The following PKD1 variants were observed in gnomAD, a reference collection of about 807,000 sequenced individuals.
The protein encoded by PKD1 is polycystin-1.
A neutral mutation model predicts 361.7 loss-of-function variants in PKD1; 81 were observed. The observed-to-expected ratio is 0.22, with a 90% CI of 0.19 to 0.27. PKD1 has a LOEUF of 0.27. PKD1 is among the 10% of genes least tolerant of loss of function. The probability of loss-of-function intolerance (pLI) is 1.00; values close to 1 mark genes in which losing one functional copy is unlikely to be tolerated. For missense variants in PKD1, 6,399 were observed against 6,118.3 expected (o/e 1.05, Z -1.53); for synonymous variants, 3,615 against 2,818.3 (o/e 1.28, Z -8.95).
chr16:2,135,396 T>A (rs2092938888), intron 1 of PKD1, 79 bp downstream of exon 1: 1 of 1,088,200 alleles, frequency 9.2e-7, no homozygotes, highest in Non-Finnish European at 1.1e-6. Flanking sequence ...GCGTCCTGCT[T>A]CCCGTCCCGG....
In PKD1 at chr16:2,114,158, G is replaced by T; in HGVS notation, c.2853+12C>A. The T allele has an allele frequency of 1.2e-6, 2 of 1,601,366 alleles. No individual in the cohort carries two copies. The highest frequency in any genetic ancestry group is 1.1e-5 in the South Asian group (1 of 90,830). ...GCCTGGGGGCTGGTGGTGGAGCCTC[G>T]GCCATACTCACCACTAGGACTCCCT... On this transcript the variant is annotated intron_variant, in intron 11 of 45. Transcript: ENST00000262304.
At chr16:2,128,603 C>T (rs1012860349) in intron 1 of PKD1, among the ~76,000 whole-genome samples, 2 of 152,230 alleles carry the variant, frequency 1.3e-5, no homozygotes, top group African/African-American at 4.8e-5. Flanking sequence ...CCAGGAGTGG[C>T]TGCAACCCTG....
In PKD1 at chr16:2,104,428, G is replaced by T. The variant is rs566524677; in HGVS notation, c.8161+70C>A. On this transcript the variant is annotated intron_variant, in intron 22 of 45. Transcript: ENST00000262304. ...GGATGGGGCAAAGGCGACGCGGTTG[G>T]GGGGAGGAGGGAGGCAGAGGAAAGG... The T allele has an allele frequency of 0.014, 16,539 of 1,204,962 alleles. 166 individuals carry two copies. The highest frequency in any genetic ancestry group is 0.015 in the Non-Finnish European group (12,736 of 867,114). 74.6% of individuals were successfully genotyped at this position (1,204,962 alleles called of 1,614,324 possible).
chr16:2,134,729 C>T (rs927422873), intron 1 of PKD1, among the ~76,000 whole-genome samples: 4 of 147,948 alleles, frequency 2.7e-5, no homozygotes, highest in African/African-American at 1.0e-4. Flanking sequence ...CGCATGACGA[C>T]CCCCAACAGG....
Position 2,091,773 on chromosome 16 carries a change from G to A in PKD1, c.11537+8C>T. 4.4e-6 allele frequency: 7 copies of A among 1,608,776 alleles called. No individual in the cohort carries two copies. Among genetic ancestry groups the A allele is most frequent in the South Asian group, 1.1e-5 (1 of 90,510 alleles). ...CACCCCGGAGAGGGCAGGGGAGGGAGCTCCCACCTGTTGTCCAGCCAGTTG... is the reference window on the plus strand; with the variant it reads ...CACCCCGGAGAGGGCAGGGGAGGGAACTCCCACCTGTTGTCCAGCCAGTTG... On this transcript the variant is annotated splice_region_variant and intron_variant, in intron 41 of 45. Transcript: ENST00000262304.
Position 2,108,651 on chromosome 16 carries a change from G to C in PKD1, c.6516C>G (p.His2172Gln). The C allele has an allele frequency of 6.4e-7, 1 of 1,563,040 alleles. No individual in the cohort carries two copies. Among genetic ancestry groups the C allele is most frequent in the Non-Finnish European group, 8.7e-7 (1 of 1,154,752 alleles). The change falls in exon 15 of 46, where the codon CAC (histidine) becomes CAG (glutamine). Residue 2172 changes from histidine (H) to glutamine (Q), a missense_variant. Coordinates refer to ENST00000262304, the MANE Select transcript of PKD1 (RefSeq NM_001009944.3). Reference sequence around the variant, plus strand: ...AGGTGACGCAGTCGCGCAGGTCAACGTGGGCCTCCAAGTAGTTGCGCTGTG... The same window carrying C: ...AGGTGACGCAGTCGCGCAGGTCAACCTGGGCCTCCAAGTAGTTGCGCTGTG... ...RRSQRNYLEAHVDLRDCVTYQ... is the reference protein window; with the variant it reads ...RRSQRNYLEAQVDLRDCVTYQ...
Position 2,100,170 on chromosome 16 carries a change from G to C in PKD1, c.9708C>G (p.Ala3236=). ...NGGLVEKEVL[A]ASDAALLRFR... The stretch of plus-strand genomic sequence containing the variant: ...GAACATGGAACGAGGCCTTACTCGC[G>C]GCCAGCACCTCCTTCTCCACCAGGC... Residue 3236 remains alanine, a synonymous_variant, in exon 28 of 46, where the codon GCC becomes GCG. Coordinates refer to ENST00000262304, the MANE Select transcript of PKD1 (RefSeq NM_001009944.3). This position sits in a 1 kb window ranked among gnomAD's most constrained non-coding sequence, Gnocchi z 4.4. 1 of 1,608,482 alleles carries C rather than the reference G, an allele frequency of 6.2e-7. No homozygotes were observed. The highest frequency in any genetic ancestry group is 2.2e-5 in the East Asian group (1 of 44,844).
rs775497716 is a variant in PKD1, at chr16:2,097,930, T to C, written c.10105A>G (p.Ser3369Gly). The C allele has an allele frequency of 9.4e-6, 15 of 1,603,974 alleles. No individual in the cohort carries two copies. Among genetic ancestry groups the C allele is most frequent in the East Asian group, 4.5e-5 (2 of 44,838 alleles). The change falls in exon 31 of 46, where the codon AGC (serine) becomes GGC (glycine). Residue 3369 changes from serine (S) to glycine (G), a missense_variant. Transcript: ENST00000262304. ...PAGQQVLDIDSCLDSSVLDSS... is the reference protein window; with the variant it reads ...PAGQQVLDIDGCLDSSVLDSS... ...TCCAGCACGGACGAGTCCAGGCAGC[T>C]GTCGATGTCCAGCACCTGCTGCCCG...
rs765453112 is a variant in PKD1, at chr16:2,090,049, A to G, written c.12590T>C (p.Leu4197Pro). ...PSTSSSQLDG[L>P]SVSLGRLGTR... ...CCCCAGCCGGCCCAGGCTCACGCTC[A>G]GCCCATCCAGCTGGCTGGAGGAGGT... The change falls in exon 46 of 46, where the codon CTG becomes CCG. Residue 4197 changes from leucine (L) to proline (P), a missense_variant. Coordinates refer to ENST00000262304, the MANE Select transcript of PKD1 (RefSeq NM_001009944.3). The G allele has an allele frequency of 3.4e-5, 54 of 1,611,324 alleles. No homozygotes were observed. Among genetic ancestry groups the G allele is most frequent in the Non-Finnish European group, 4.5e-5 (53 of 1,179,250 alleles).
intron 31 of PKD1, 37 bp downstream of exon 31, chr16:2,097,831 C>T: frequency 6.2e-7 from 1 of 1,609,766 alleles, no homozygotes; most frequent in Non-Finnish European, 8.5e-7. Flanking sequence ...GCGGCAGGAC[C>T]CCCAGCCCAG....
Position 2,109,342 on chromosome 16 carries a change from C to T in PKD1, c.5825G>A (p.Arg1942His), listed in dbSNP as rs756147178. 2.2e-5 allele frequency: 35 copies of T among 1,590,804 alleles called. No homozygotes were observed. Among genetic ancestry groups the T allele is most frequent in the Non-Finnish European group, 2.6e-5 (31 of 1,172,918 alleles). Reference sequence around the variant, plus strand: ...CACGCTCACCACGTGGTCTCCGACGCGGGGGAAGCTGTGGGAGAAACGGGG... The same window carrying T: ...CACGCTCACCACGTGGTCTCCGACGTGGGGGAAGCTGTGGGAGAAACGGGG... ...PGPRFSHSFP[R>H]VGDHVVSVRG... Residue 1942 changes from arginine (R) to histidine (H), a missense_variant, in exon 15 of 46, where the codon CGC (arginine) becomes CAC (histidine). By Grantham distance (29) the Arg-to-His change is conservative (BLOSUM62 0). Transcript: ENST00000262304.
intron 21 of PKD1, 71 bp from the exon 22 acceptor site, chr16:2,104,713 G>A (rs1596532931): frequency 1.2e-6 from 1 of 857,380 alleles, no homozygotes; most frequent in Non-Finnish European, 1.9e-6. Flanking sequence ...TCTCTACACG[G>A]GTCCTCACCT....
At chr16:2,097,810 G>A in intron 31 of PKD1, 30 bp from the exon 32 acceptor site, 1 of 1,611,282 alleles carries the variant, frequency 6.2e-7, no homozygotes, top group Non-Finnish European at 8.5e-7. Context: ...TTGAGTCCAA[G>A]CTGCGCCAAG....
intron 1 of PKD1, among the ~76,000 whole-genome samples, chr16:2,132,635 T>G (rs2092900709): frequency 6.6e-6 from 1 of 150,808 alleles, no homozygotes; most frequent in Non-Finnish European, 1.5e-5. Flanking sequence ...GTGGACCTTA[T>G]TTGGCTCTTA....
chr16:2,094,183 C>G lies in PKD1; in HGVS notation c.10527G>C (p.Glu3509Asp), dbSNP rs1412548545. 1 of 1,606,046 alleles carries G rather than the reference C, an allele frequency of 6.2e-7. No individual in the cohort carries two copies. The highest frequency in any genetic ancestry group is 2.2e-5 in the East Asian group (1 of 44,806). The change falls in exon 35 of 46, where the codon GAG (glutamate) becomes GAC (aspartate). Residue 3509 changes from glutamate to aspartate, a missense_variant. Transcript: ENST00000262304. ...CCCCCAGCCTCTGCAGCGCCAGCGT[C>G]TCTGTCTTCTCCCCAGGAGTGCTGG... ...SLSSTPGEKT[E>D]TLALQRLGEL...
chr16:2,129,541 ATTTTTTT>A (rs71148122), intron 1 of PKD1, among the ~76,000 whole-genome samples: 83 of 72,088 alleles, frequency 1.2e-3, no homozygotes, highest in Non-Finnish European at 1.4e-3. Flanking sequence ...AGATCCTGTG[ATTTTTTT>A]TTTTTTTTTT....
Position 2,090,786 on chromosome 16 carries a change from A to T in PKD1, c.12026T>A (p.Val4009Glu), listed in dbSNP as rs776035946. 8.7e-6 allele frequency: 14 copies of T among 1,612,434 alleles called. No homozygotes were observed. The East Asian group carries it at 2.9e-4, about 33-fold the overall frequency. Residue 4009 changes from valine (V) to glutamate (E), a missense_variant, in exon 44 of 46, where the codon GTG (valine) becomes GAG (glutamate). Physicochemically the swap from Val to Glu is moderately radical, Grantham distance 121 (BLOSUM62 -2). Coordinates refer to ENST00000262304, the MANE Select transcript of PKD1 (RefSeq NM_001009944.3). ...CTTGCCAAAGACGGACCACTGGCGC[A>T]CGAAGCGTAGCTGCTGGGCAGCCTG... ...LVKAAQQLRF[V>E]RQWSVFGKTL...
Position 2,111,106 on chromosome 16 carries a change from G to A in PKD1, c.4061C>T (p.Thr1354Met), listed in dbSNP as rs201122748. Residue 1354 changes from threonine to methionine, a missense_variant, in exon 15 of 46, where the codon ACG (threonine) becomes ATG (methionine). Transcript: ENST00000262304. ...GGACAGCACCAGCGCCAGGGGGAAC[G>A]TGCCGCTCCGCGTGAAGTTGTGTGT... is the stretch of plus-strand genomic sequence containing the variant. ...TVTHNFTRSG[T>M]FPLALVLSSR... 72 of 1,610,630 alleles carry A rather than the reference G, an allele frequency of 4.5e-5. No homozygotes were observed. Among genetic ancestry groups the A allele is most frequent in the African/African-American group, 4.0e-5 (3 of 74,864 alleles).
chr16:2,094,527 C>G (rs1041954556), intron 34 of PKD1, among the ~76,000 whole-genome samples: 2 of 152,216 alleles, frequency 1.3e-5, no homozygotes, highest in African/African-American at 4.8e-5. Context: ...AATGAGCCCC[C>G]CTTCAACCCT....
Sources: allele counts gnomAD v4.1 joint callset (sites outside exome capture counted in the v4.1 genomes callset), GRCh38; gene constraint gnomAD v4.1.1; non-coding constraint Gnocchi (gnomAD v3.1); transcripts MANE v1.5; gene names NCBI Gene and HGNC (gene_info 2026-07-23, HGNC 2026-07-21).